DPYD: variants seen among roughly 807,000 people sequenced by gnomAD.
The protein encoded by DPYD is dihydropyrimidine dehydrogenase, also known as dihydropyrimidine dehydrogenase [NADP(+)].
A neutral mutation model predicts 116.2 loss-of-function variants in DPYD; 109 were observed. The ratio of observed to expected loss-of-function variants is 0.94; its 90% CI spans 0.80 to 1.10. DPYD has a LOEUF of 1.10. Among genes scored for constraint, DPYD ranks in the 50% least tolerant of loss-of-function variants. The pLI is 0.00. For missense variants in DPYD, 1,302 were observed against 1,254.5 expected (o/e 1.04, Z -0.57); for synonymous variants, 440 against 432.0 (o/e 1.02, Z -0.23).
intron 5 of DPYD, among the ~76,000 whole-genome samples, chr1:97,700,556 G>A (rs1169480288): frequency 6.6e-6 from 1 of 151,970 alleles, no homozygotes; most frequent in Non-Finnish European, 1.5e-5. Context: ...AAATGACAGT[G>A]ATCAGTCCTC....
intron 16 of DPYD, among the ~76,000 whole-genome samples, chr1:97,315,740 C>A (rs965945566): frequency 1.3e-5 from 2 of 151,972 alleles, no homozygotes; most frequent in Non-Finnish European, 2.9e-5. Flanking sequence ...TCTAGTTCTA[C>A]CCTTGGCTTG....
At chr1:97,611,845 T>C (rs1464692224) in intron 8 of DPYD, among the ~76,000 whole-genome samples, 6 of 152,090 alleles carry the variant, frequency 3.9e-5, no homozygotes, top group Admixed American at 1.3e-4. Flanking sequence ...GAAGTAGTGC[T>C]CGTGGTACTT....
chr1:97,318,976 T>G (rs1668051006), intron 16 of DPYD, among the ~76,000 whole-genome samples: 1 of 111,620 alleles, frequency 9.0e-6, no homozygotes, highest in South Asian at 3.7e-4. Context: ...TGCTCCTGAA[T>G]GACTACTGGG....
chr1:97,800,968 T>C (rs1000943105), intron 3 of DPYD, among the ~76,000 whole-genome samples: 1 of 151,976 alleles, frequency 6.6e-6, no homozygotes, highest in Non-Finnish European at 1.5e-5. Context: ...AAAAAGTTTG[T>C]CATCTATAGT....
intron 3 of DPYD, among the ~76,000 whole-genome samples, chr1:97,782,600 G>T (rs944707266): frequency 6.6e-6 from 1 of 152,050 alleles, no homozygotes; most frequent in Non-Finnish European, 1.5e-5. Flanking sequence ...TCATTTCCCT[G>T]TTTAGATTTA....
intron 5 of DPYD, among the ~76,000 whole-genome samples, chr1:97,716,565 G>C (rs1003642890): frequency 2.3e-4 from 35 of 152,032 alleles, no homozygotes; most frequent in African/African-American, 8.2e-4. Context: ...AAATGGAATT[G>C]AGTTAACTGG....
chr1:97,855,840 T>C (rs1270239044), intron 2 of DPYD: 1 of 152,172 alleles, frequency 6.6e-6, no homozygotes, highest in Non-Finnish European at 1.5e-5. Flanking sequence ...GGAGCAAACA[T>C]ACTAAGCAGA....
At chr1:97,412,970 TC>T (rs1413327353) in intron 14 of DPYD, among the ~76,000 whole-genome samples, 1 of 152,178 alleles carries the variant, frequency 6.6e-6, no homozygotes, top group East Asian at 1.9e-4. Context: ...GCAGCCTATG[TC>T]CCCACATGTC....
At chr1:97,087,067 T>G (rs1382298413) in intron 21 of DPYD, among the ~76,000 whole-genome samples, 1 of 152,256 alleles carries the variant, frequency 6.6e-6, no homozygotes, top group East Asian at 1.9e-4. Flanking sequence ...TGCTGATTTT[T>G]AACTTCTTCC....
At chr1:97,764,454 C>G (rs933454330) in intron 3 of DPYD, among the ~76,000 whole-genome samples, 6 of 152,128 alleles carry the variant, frequency 3.9e-5, no homozygotes, top group African/African-American at 1.4e-4. Flanking sequence ...ACAAAGGTGA[C>G]ATTACATCTG....
intron 3 of DPYD, among the ~76,000 whole-genome samples, chr1:97,795,547 TAAAA>T (rs1667529001): frequency 6.6e-6 from 1 of 151,974 alleles, no homozygotes; most frequent in African/African-American, 2.4e-5. Flanking sequence ...TTGACGCAAT[TAAAA>T]ACAAACATTC....
At chr1:97,154,823 T>C (rs1010736882) in intron 20 of DPYD, among the ~76,000 whole-genome samples, 1 of 152,054 alleles carries the variant, frequency 6.6e-6, no homozygotes, top group Non-Finnish European at 1.5e-5. Context: ...GCTTGGGTGA[T>C]GGACACACCA....
At chr1:97,101,469 CAAAAAAAA>C (rs59063384) in intron 20 of DPYD, among the ~76,000 whole-genome samples, 7 of 91,088 alleles carry the variant, frequency 7.7e-5, no homozygotes, top group African/African-American at 4.1e-5. Flanking sequence ...TTTGATCTTG[CAAAAAAAA>C]AAAAAAAAAA....
intron 13 of DPYD, among the ~76,000 whole-genome samples, chr1:97,461,415 T>C (rs1239737185): frequency 1.3e-5 from 2 of 152,158 alleles, no homozygotes; most frequent in Non-Finnish European, 2.9e-5. Context: ...AACTTCCCTA[T>C]AGAGGTAATT....
At chr1:97,233,821 A>G (rs1479892821) in intron 19 of DPYD, among the ~76,000 whole-genome samples, 4 of 152,196 alleles carry the variant, frequency 2.6e-5, no homozygotes, top group Admixed American at 2.0e-4. Context: ...TCAGTTTTAC[A>G]TATAAGGGTT....
intron 4 of DPYD, among the ~76,000 whole-genome samples, chr1:97,738,497 G>A (rs1015743522): frequency 6.6e-6 from 1 of 152,098 alleles, no homozygotes; most frequent in African/African-American, 2.4e-5. Flanking sequence ...AAGGCTCATT[G>A]AGTCTGGCGA....
At chr1:97,494,507 C>T (rs533462899) in intron 13 of DPYD, among the ~76,000 whole-genome samples, 3 of 152,228 alleles carry the variant, frequency 2.0e-5, no homozygotes, top group South Asian at 2.1e-4. Context: ...TTAACACAGG[C>T]GGTTCTAGGA....
At chr1:97,854,300 T>G (rs1670711866) in intron 2 of DPYD, among the ~76,000 whole-genome samples, 1 of 152,210 alleles carries the variant, frequency 6.6e-6, no homozygotes. Flanking sequence ...TGTTGAGACT[T>G]TAATAAGCAG....
At chr1:97,152,007 C>T (rs951755621) in intron 20 of DPYD, among the ~76,000 whole-genome samples, 2 of 152,170 alleles carry the variant, frequency 1.3e-5, no homozygotes, top group Admixed American at 6.5e-5. Context: ...ATTACATTAA[C>T]ATTACAGTTA....
Sources: gnomAD v4.1 joint callset for allele counts (sites outside exome capture counted in the v4.1 genomes callset) on GRCh38, gnomAD v4.1.1 for gene constraint, MANE v1.5 for transcripts, NCBI Gene and HGNC (gene_info 2026-07-23, HGNC 2026-07-21) for gene names.